The following SNTG1 variants were observed in gnomAD, a reference collection of about 807,000 sequenced individuals.
SNTG1 encodes syntrophin gamma 1, also known as gamma-1-syntrophin.
In SNTG1, 39 loss-of-function variants were observed where a neutral mutation model predicts 74.7. The observed-to-expected ratio is 0.52, with a 90% CI of 0.40 to 0.68. The LOEUF (loss-of-function observed/expected upper bound fraction) is 0.68, where lower values mean the gene tolerates loss of function less well. Ranked by LOEUF, SNTG1 falls within the 30% of genes least tolerant of loss-of-function variation. SNTG1 has a pLI of 0.00. For missense variants in SNTG1, 685 were observed against 609.5 expected (o/e 1.12, Z -1.30); for synonymous variants, 254 against 217.1 (o/e 1.17, Z -1.49).
chr8:50,651,292 C>T (rs891753383), intron 13 of SNTG1, among the ~76,000 whole-genome samples: 2 of 150,810 alleles, frequency 1.3e-5, no homozygotes, highest in African/African-American at 4.9e-5. Flanking sequence ...TCTTCCTAAA[C>T]TTTTTCTAAA....
chr8:50,186,385 G>A (rs866471228), intron 2 of SNTG1, among the ~76,000 whole-genome samples: 1 of 152,008 alleles, frequency 6.6e-6, no homozygotes, highest in Admixed American at 6.6e-5. Flanking sequence ...ATTTCCTATG[G>A]TCAAAGGGTA....
intron 18 of SNTG1, among the ~76,000 whole-genome samples, chr8:50,791,628 C>T (rs554423677): frequency 1.3e-5 from 2 of 151,896 alleles, no homozygotes; most frequent in South Asian, 4.1e-4. Context: ...AAGTTGTAAA[C>T]ACAGTCATGT....
chr8:50,718,381 T>C (rs1395222107), intron 17 of SNTG1, among the ~76,000 whole-genome samples: 2 of 152,190 alleles, frequency 1.3e-5, no homozygotes, highest in African/African-American at 4.8e-5. Context: ...GGCCCAAGTT[T>C]GCCATGTAAC....
At chr8:50,468,543 G>T (rs1440489867) in intron 8 of SNTG1, among the ~76,000 whole-genome samples, 3 of 152,004 alleles carry the variant, frequency 2.0e-5, no homozygotes, top group Admixed American at 1.3e-4. Context: ...ATTAAAATGG[G>T]TTTCTTGTAG....
intron 13 of SNTG1, among the ~76,000 whole-genome samples, chr8:50,605,286 G>A (rs2094804915): frequency 6.6e-6 from 1 of 151,980 alleles, no homozygotes. Context: ...CTGTTCCACT[G>A]GCTCTAAGCC....
intron 15 of SNTG1, among the ~76,000 whole-genome samples, chr8:50,674,540 T>A (rs184532740): frequency 6.6e-6 from 1 of 152,250 alleles, no homozygotes; most frequent in East Asian, 1.9e-4. Flanking sequence ...CCTTTTTTTG[T>A]TGTGTTTATT....
chr8:49,945,585 A>G (rs1436519101), intron 1 of SNTG1, among the ~76,000 whole-genome samples: 2 of 152,170 alleles, frequency 1.3e-5, no homozygotes, highest in Non-Finnish European at 2.9e-5. Context: ...ACCCGTGTTC[A>G]GCTGATCTAT....
At chr8:50,522,972 G>A (rs79334239) in intron 9 of SNTG1, among the ~76,000 whole-genome samples, 19,161 of 152,142 alleles carry the variant, frequency 0.13, 1,361 homozygotes, top group South Asian at 0.19. Flanking sequence ...TAATGAAGCC[G>A]TATTCATCAT....
At chr8:50,568,983 A>G (rs1255811781) in intron 12 of SNTG1, 2 of 152,244 alleles carry the variant, frequency 1.3e-5, no homozygotes, top group Admixed American at 6.5e-5. Context: ...AGGAAGAGGG[A>G]TGAGTAGAAT....
rs141206940 is a variant in SNTG1, at chr8:49,950,165, G to A, written c.-103+37934G>A. On this transcript the variant is annotated intron_variant, in intron 1 of 18. Coordinates refer to ENST00000642720, the MANE Select transcript of SNTG1 (RefSeq NM_018967.5). ...TAAAAAAAAATAATTATTTAAAAAC[G>A]CATTCCTTAAAGGAAAGTTCAAAGG... Among the ~76,000 whole-genome samples the A allele has an allele frequency of 2.6e-4, 39 of 152,150 alleles. No homozygotes were observed. The East Asian group carries it at 4.6e-3, about 18-fold the overall frequency.
At chr8:50,059,812 A>AT (rs1820324257) in intron 1 of SNTG1, among the ~76,000 whole-genome samples, 1 of 152,060 alleles carries the variant, frequency 6.6e-6, no homozygotes, top group Admixed American at 6.6e-5. Context: ...TTTGTGTATA[A>AT]TTTTTTGTGT....
At chr8:50,386,373 CT>C (rs945298486) in intron 2 of SNTG1, among the ~76,000 whole-genome samples, 1 of 151,990 alleles carries the variant, frequency 6.6e-6, no homozygotes, top group Non-Finnish European at 1.5e-5. Context: ...TTTTTCCCTT[CT>C]TTAATTCATA....
At chr8:50,632,788 A>G (rs2131121349) in intron 13 of SNTG1, among the ~76,000 whole-genome samples, 1 of 152,348 alleles carries the variant, frequency 6.6e-6, no homozygotes, top group South Asian at 2.1e-4. Flanking sequence ...ATTCAAAAAG[A>G]AAATGTGATT....
chr8:50,394,395 T>G, intron 3 of SNTG1, 130 bp downstream of exon 3: 1 of 831,994 alleles, frequency 1.2e-6, no homozygotes, highest in Non-Finnish European at 1.9e-6. Flanking sequence ...CTCTTTTTCC[T>G]TCCAGATTAC....
intron 17 of SNTG1, among the ~76,000 whole-genome samples, chr8:50,746,191 GT>G (rs1585695903): frequency 6.6e-6 from 1 of 151,840 alleles, no homozygotes; most frequent in African/African-American, 2.4e-5. Flanking sequence ...TTATACAAAT[GT>G]TTTAGTAATA....
intron 8 of SNTG1, among the ~76,000 whole-genome samples, chr8:50,495,796 T>C (rs2128000): frequency 0.72 from 110,081 of 151,904 alleles, 41,499 homozygotes; most frequent in East Asian, 0.85. Flanking sequence ...CACAGAAGGG[T>C]AGTATGCTCC....
At chr8:50,161,655 A>G (rs529726281) in intron 1 of SNTG1, among the ~76,000 whole-genome samples, 1 of 152,240 alleles carries the variant, frequency 6.6e-6, no homozygotes, top group African/African-American at 2.4e-5. Context: ...GCCTAGAGAT[A>G]GAATCAGTGA....
At chr8:50,304,534 A>G (rs928763726) in intron 2 of SNTG1, among the ~76,000 whole-genome samples, 1 of 152,234 alleles carries the variant, frequency 6.6e-6, no homozygotes, top group African/African-American at 2.4e-5. Context: ...TAGAAAAGTT[A>G]AAACTAAAGT....
intron 11 of SNTG1, among the ~76,000 whole-genome samples, chr8:50,548,215 C>T (rs1408272250): frequency 6.6e-6 from 1 of 152,124 alleles, no homozygotes; most frequent in Non-Finnish European, 1.5e-5. Context: ...ATTGGAGTGA[C>T]TGGAGGTCAC....
Sources: gnomAD v4.1 joint callset for allele counts (sites outside exome capture counted in the v4.1 genomes callset) on GRCh38, gnomAD v4.1.1 for gene constraint, MANE v1.5 for transcripts, NCBI Gene and HGNC (gene_info 2026-07-23, HGNC 2026-07-21) for gene names.